UTP20: variants seen among roughly 807,000 people sequenced by gnomAD.
UTP20 encodes the protein UTP20 small subunit processome component, also known as small subunit processome component 20 homolog.
Under a neutral mutation model 329.5 loss-of-function variants are expected in UTP20, and 164 were observed. The observed-to-expected ratio is 0.50, with a 90% confidence interval of 0.44 to 0.57. The LOEUF (loss-of-function observed/expected upper bound fraction) is 0.57. UTP20 is among the 20% of genes least tolerant of loss of function. The pLI is 0.00. For missense variants in UTP20, 3,055 were observed against 3,284.2 expected, an observed-to-expected ratio of 0.93 and a Z score of 1.71; for synonymous variants, 1,151 against 1,159.3, an observed-to-expected ratio of 0.99 and a Z score of 0.14.
rs1423668660 is a variant in UTP20, at chr12:101,324,449, T to G, written c.3042-2632T>G. Among the ~76,000 whole-genome samples, 5 of 152,002 alleles carry G rather than the reference T, an allele frequency of 3.3e-5. No individual in the cohort carries two copies. The East Asian group carries it at 9.7e-4, about 30-fold the overall frequency. On this transcript the variant is annotated intron_variant, in intron 25 of 61. Transcript: ENST00000261637. ...AGACGGAGTTTCACCAGCTGAAAATTTTTGTATTTTTTTGTAGAGATGTTG... is the reference window on the plus strand; with the variant it reads ...AGACGGAGTTTCACCAGCTGAAAATGTTTGTATTTTTTTGTAGAGATGTTG...
intron 13 of UTP20, 56 bp downstream of exon 13, chr12:101,299,893 G>T (rs1872471151): frequency 1.7e-5 from 27 of 1,604,216 alleles, no homozygotes; most frequent in Non-Finnish European, 2.2e-5. Context: ...ATTAAAATAT[G>T]TTAGCCATTC....
At chr12:101,334,963 C>G in intron 29 of UTP20, among the ~76,000 whole-genome samples, 1 of 150,274 alleles carries the variant, frequency 6.7e-6, no homozygotes, top group South Asian at 2.1e-4. Flanking sequence ...AAAGCGAGAC[C>G]CTGTCTCAAA....
chr12:101,381,502 C>T (rs1196240927), intron 58 of UTP20, among the ~76,000 whole-genome samples: 2 of 152,134 alleles, frequency 1.3e-5, no homozygotes, highest in East Asian at 3.9e-4. Context: ...CGCCACTGCA[C>T]TCCATCCTAG....
intron 37 of UTP20, 54 bp from the exon 38 acceptor site, chr12:101,346,397 C>A: frequency 6.6e-7 from 1 of 1,515,418 alleles, no homozygotes; most frequent in South Asian, 1.3e-5. Flanking sequence ...TAAAATGGAG[C>A]TGGTTGTAGG....
At chr12:101,324,681 T>C (rs746310549) in intron 25 of UTP20, among the ~76,000 whole-genome samples, 2 of 152,214 alleles carry the variant, frequency 1.3e-5, no homozygotes, top group African/African-American at 2.4e-5. Flanking sequence ...GGTTTGTTTA[T>C]AATAACAATC....
chr12:101,334,848 C>A (rs542463946), intron 29 of UTP20, among the ~76,000 whole-genome samples: 1 of 152,130 alleles, frequency 6.6e-6, no homozygotes, highest in East Asian at 1.9e-4. Context: ...GTGGCGCATG[C>A]CTTTAGTTCC....
At chr12:101,283,811 C>T (rs1176689710) in intron 2 of UTP20, among the ~76,000 whole-genome samples, 1 of 152,158 alleles carries the variant, frequency 6.6e-6, no homozygotes, top group African/African-American at 2.4e-5. Flanking sequence ...CAGCCTCCCA[C>T]TGTTGGGATT....
intron 60 of UTP20, among the ~76,000 whole-genome samples, chr12:101,384,591 A>G (rs975011849): frequency 1.3e-5 from 2 of 152,246 alleles, no homozygotes; most frequent in African/African-American, 4.8e-5. Context: ...TTTATATGAA[A>G]TAGTTTTAAA....
In UTP20 at chr12:101,312,134, C is replaced by A; in HGVS notation, c.2410C>A (p.Gln804Lys). ...AGATGTTGGAGCTCTTTATCATGAG[C>A]AGTTAGCATTGAAAACTGACTGTCA... ...EGDVGALYHE[Q>K]LALKTDCQER... The change falls in exon 21 of 62, where the codon CAG becomes AAG. Residue 804 changes from glutamine to lysine, a missense_variant. Physicochemically the swap from Gln to Lys is moderately conservative, Grantham distance 53 (BLOSUM62 1). Transcript: ENST00000261637. 6.2e-7 allele frequency: 1 copy of A among 1,614,246 alleles called. No individual in the cohort carries two copies.
Position 101,374,765 on chromosome 12 carries a change from T to G in UTP20, c.7132-43T>G, listed in dbSNP as rs373074031. On this transcript the variant is annotated intron_variant, in intron 54 of 61. Coordinates refer to ENST00000261637, the MANE Select transcript of UTP20 (RefSeq NM_014503.3). ...TTATTTTACAGTTTCAGTAAAGGCC[T>G]CCCAAGTTCTCTTGACATTGTCTTG... 7 of 844,458 alleles carry G rather than the reference T, an allele frequency of 8.3e-6. No homozygotes were observed. In the African/African-American group the frequency reaches 1.2e-4, roughly 14 times the overall value. The allele number at this position is 844,458 out of a possible 1,614,324, so 52.3% of individuals were successfully genotyped here.
Position 101,308,262 on chromosome 12 carries a change from T to G in UTP20, c.2073T>G (p.Asp691Glu). 6.2e-7 allele frequency: 1 copy of G among 1,613,116 alleles called. No individual in the cohort carries two copies. Residue 691 changes from aspartate to glutamate, a missense_variant, in exon 18 of 62, where the codon GAT becomes GAG. Coordinates refer to ENST00000261637, the MANE Select transcript of UTP20 (RefSeq NM_014503.3). ...QAELVPATVN[D>E]YREKLLHLRK... ...AACTTGTTCCAGCAACTGTGAATGA[T>G]TATAGAGAGAAGCTTCTTCATTTGA...
rs146441154 is a variant in UTP20, at chr12:101,361,970, G to C, written c.5700G>C (p.Val1900=). ...TTLVRGYQVH[V]LTFTVHMLLQ... is the part of the protein sequence containing the mutation. ...TGTGTGTCTCATGTTAGGTCCATGT[G>C]CTGACTTTCACCGTTCACATGCTGC... is the stretch of plus-strand genomic sequence containing the variant. Residue 1900 remains valine, a synonymous_variant, in exon 44 of 62, where the codon GTG becomes GTC. Coordinates refer to ENST00000261637, the MANE Select transcript of UTP20 (RefSeq NM_014503.3). The C allele has an allele frequency of 9.6e-5, 155 of 1,613,286 alleles. No homozygotes were observed. In the African/African-American group the frequency reaches 1.7e-3, roughly 17 times the overall value.
At chr12:101,306,151 A>G (rs1872637489) in intron 16 of UTP20, 86 bp downstream of exon 16, 2 of 1,404,884 alleles carry the variant, frequency 1.4e-6, no homozygotes, top group Non-Finnish European at 9.5e-7. Flanking sequence ...CATCTTAGTT[A>G]GAAAGTGTTG....
In UTP20 at chr12:101,346,568, T is replaced by C. The variant is rs1869332131; in HGVS notation, c.4864T>C (p.Phe1622Leu). ...YIMPYAMTPIFDEKMLKHENI... is the reference protein window; with the variant it reads ...YIMPYAMTPILDEKMLKHENI... Reference sequence around the variant, plus strand: ...CATGCCTTATGCCATGACTCCAATTTTTGATGAGAAAATGCTCAAGGTAGG... The same window carrying C: ...CATGCCTTATGCCATGACTCCAATTCTTGATGAGAAAATGCTCAAGGTAGG... The change falls in exon 38 of 62, where the codon TTT becomes CTT. Residue 1622 changes from phenylalanine (F) to leucine (L), a missense_variant. Physicochemically the swap from Phe to Leu is conservative, Grantham distance 22. Coordinates refer to ENST00000261637, the MANE Select transcript of UTP20 (RefSeq NM_014503.3). 6.3e-7 allele frequency: 1 copy of C among 1,599,718 alleles called. No individual in the cohort carries two copies. Among genetic ancestry groups the C allele is most frequent in the Non-Finnish European group, 8.5e-7 (1 of 1,174,834 alleles).
rs78124124 is a variant in UTP20, at chr12:101,322,567, A to C, written c.3041+938A>C. Among the ~76,000 whole-genome samples the C allele has an allele frequency of 5.6e-3, 848 of 152,288 alleles. 8 individuals carry two copies. Among genetic ancestry groups the C allele is most frequent in the African/African-American group, 0.02 (815 of 41,548 alleles). ...CTCTGGAATGATGAGAATTGGAAAG[A>C]TCATGGGATTGGGATTTAACAGGTT... On this transcript the variant is annotated intron_variant, in intron 25 of 61. Transcript: ENST00000261637.
chr12:101,375,754 G>A lies in UTP20; in HGVS notation c.7394G>A (p.Trp2465Ter), dbSNP rs1285283930. Residue 2465 changes from tryptophan (W) to a stop codon, truncating the protein, a stop_gained and splice_region_variant, in exon 56 of 62, where the codon TGG (tryptophan) becomes TAG (stop). Coordinates refer to ENST00000261637, the MANE Select transcript of UTP20 (RefSeq NM_014503.3). LOFTEE classifies it high-confidence loss of function. ...CCCGCTGAGACTTTGAGTAAAATCTGGAGTAAGTATTTCCTTTTTTATTTA... is the reference window on the plus strand; with the variant it reads ...CCCGCTGAGACTTTGAGTAAAATCTAGAGTAAGTATTTCCTTTTTTATTTA... ...TKPAETLSKI[W>*]SHVHSHLRHP... 1 of 1,530,874 alleles carries A rather than the reference G, an allele frequency of 6.5e-7. No individual in the cohort carries two copies. The highest frequency in any genetic ancestry group is 8.9e-7 in the Non-Finnish European group (1 of 1,117,516). 94.8% of individuals were successfully genotyped at this position (1,530,874 alleles called of 1,614,324 possible).
chr12:101,358,394 A>G (rs990436858), intron 43 of UTP20, among the ~76,000 whole-genome samples: 12 of 152,220 alleles, frequency 7.9e-5, no homozygotes, highest in African/African-American at 2.9e-4. Context: ...TTTGCTTATA[A>G]TTGTCAAACA....
chr12:101,365,684 T>C lies in UTP20; in HGVS notation c.6125+59T>C. On this transcript the variant is annotated intron_variant, in intron 46 of 61. Coordinates refer to ENST00000261637, the MANE Select transcript of UTP20 (RefSeq NM_014503.3). ...TCTCTGCGTCTGATAAGCCATTCTG[T>C]GGGTTGTTTTAATAATTTGCTTTAG... 2.2e-6 allele frequency: 3 copies of C among 1,387,998 alleles called. No individual in the cohort carries two copies. The South Asian group carries it at 5.1e-5, about 24-fold the overall frequency. The allele number at this position is 1,387,998 out of a possible 1,614,324, so 86.0% of individuals were successfully genotyped here.
chr12:101,311,730 A>T lies in UTP20; in HGVS notation c.2243A>T (p.His748Leu), dbSNP rs569253169. The T allele has an allele frequency of 3.7e-6, 6 of 1,611,822 alleles. 1 individual carries two copies. The Admixed American group carries it at 8.4e-5, about 22-fold the overall frequency. The change falls in exon 20 of 62, where the codon CAC becomes CTC. Residue 748 changes from histidine to leucine, a missense_variant. Physicochemically the swap from His to Leu is moderately conservative, Grantham distance 99 (BLOSUM62 -3). This residue lies in a region of UTP20 where 2,445 missense variants were observed against 2,575.5 expected (regional missense o/e 0.95). Coordinates refer to ENST00000261637, the MANE Select transcript of UTP20 (RefSeq NM_014503.3). ...PVIELISSHAHEMENKQFWKV... is the reference protein window; with the variant it reads ...PVIELISSHALEMENKQFWKV... The stretch of plus-strand genomic sequence containing the variant: ...TTTTTTTCCCTTAGTTCTCATGCAC[A>T]CGAAATGGAAAATAAGCAATTTTGG...
Sources: gnomAD v4.1 joint callset for allele counts (sites outside exome capture counted in the v4.1 genomes callset) on GRCh38, gnomAD v4.1.1 for gene constraint, gnomAD v4.1.1 regional missense constraint, MANE v1.5 for transcripts, NCBI Gene and HGNC (gene_info 2026-07-23, HGNC 2026-07-21) for gene names.